Variants in CSMD1 observed in about 807,000 individuals in gnomAD.
The protein encoded by CSMD1 is CUB and Sushi multiple domains 1.
Under a neutral mutation model 417.5 loss-of-function variants are expected in CSMD1, and 213 were observed. The ratio of observed to expected loss-of-function variants is 0.51; its 90% CI spans 0.46 to 0.57. The LOEUF is 0.57. Ranked by LOEUF, CSMD1 falls within the 20% of genes least tolerant of loss-of-function variation. CSMD1 has a pLI of 0.00. For synonymous variants in CSMD1, 2,862 were observed against 1,736.8 expected (o/e 1.65, Z -16.11); for missense variants, 6,923 against 4,529.7 (o/e 1.53, Z -15.17).
intron 5 of CSMD1, among the ~76,000 whole-genome samples, chr8:3,762,668 C>A (rs1232625405): frequency 6.6e-6 from 1 of 152,222 alleles, no homozygotes; most frequent in Non-Finnish European, 1.5e-5. Flanking sequence ...CGTACAGGCA[C>A]ACTGGTGCCC....
chr8:4,672,413 C>T (rs1563112065), intron 1 of CSMD1, among the ~76,000 whole-genome samples: 1 of 151,976 alleles, frequency 6.6e-6, no homozygotes, highest in African/African-American at 2.4e-5. Flanking sequence ...GAAGTATGGG[C>T]AGAAAATATT....
chr8:4,456,059 C>CA (rs34519287), intron 2 of CSMD1, among the ~76,000 whole-genome samples: 302 of 118,440 alleles, frequency 2.5e-3, no homozygotes, highest in Non-Finnish European at 3.6e-3. Context: ...TATCATTGAC[C>CA]AAAAAAAAAA....
chr8:3,349,265 C>T (rs767630954), intron 21 of CSMD1, among the ~76,000 whole-genome samples: 23 of 152,262 alleles, frequency 1.5e-4, no homozygotes, highest in South Asian at 6.2e-4. Context: ...CCCACTGCCA[C>T]GATACTGATT....
At chr8:3,428,528 A>G (rs535309565) in intron 12 of CSMD1, among the ~76,000 whole-genome samples, 1 of 152,236 alleles carries the variant, frequency 6.6e-6, no homozygotes, top group African/African-American at 2.4e-5. Context: ...AGACTTTCAT[A>G]GCAACCCTTA....
At chr8:4,437,421 T>C (rs1027044143) in intron 2 of CSMD1, among the ~76,000 whole-genome samples, 4 of 152,220 alleles carry the variant, frequency 2.6e-5, no homozygotes, top group Admixed American at 6.5e-5. Context: ...CCACATTTTC[T>C]AGTCATGATT....
intron 5 of CSMD1, among the ~76,000 whole-genome samples, chr8:3,931,538 G>A (rs1328514109): frequency 6.7e-6 from 1 of 150,132 alleles, no homozygotes; most frequent in Non-Finnish European, 1.5e-5. Context: ...CAGTAAATTT[G>A]TTTAACAAAC....
intron 5 of CSMD1, among the ~76,000 whole-genome samples, chr8:3,858,745 T>A (rs1229253954): frequency 6.6e-6 from 1 of 152,172 alleles, no homozygotes; most frequent in African/African-American, 2.4e-5. Flanking sequence ...AAAATAACTT[T>A]GGATGTTACA....
At chr8:3,917,275 G>A (rs922314055) in intron 5 of CSMD1, among the ~76,000 whole-genome samples, 5 of 152,158 alleles carry the variant, frequency 3.3e-5, no homozygotes, top group Admixed American at 2.0e-4. Flanking sequence ...TGAACGAACT[G>A]AAGTTCCTGA....
At chr8:4,396,318 A>AG (rs1563129697) in intron 3 of CSMD1, among the ~76,000 whole-genome samples, 1 of 146,510 alleles carries the variant, frequency 6.8e-6, no homozygotes, top group Admixed American at 6.9e-5. Context: ...AAAAAAAAAA[A>AG]TAGCCAGGCA....
chr8:3,992,081 G>C (rs1398755472), intron 5 of CSMD1, among the ~76,000 whole-genome samples: 1 of 146,918 alleles, frequency 6.8e-6, no homozygotes, highest in African/African-American at 2.4e-5. Flanking sequence ...TACACCTTCA[G>C]CTGGTATGCA....
In CSMD1 at chr8:3,110,219, C is replaced by T. The variant is rs371824064; in HGVS notation, c.6547G>A (p.Gly2183Arg). ...IWLITVPPGH[G>R]VYINFTLLQT... ...AACAGGGTGAAGTTGATGTAAACTCCGTGCCCTGGAGGCACCGTGATGAGC... is the reference window on the plus strand; with the variant it reads ...AACAGGGTGAAGTTGATGTAAACTCTGTGCCCTGGAGGCACCGTGATGAGC... Residue 2183 changes from glycine (G) to arginine (R), a missense_variant, in exon 43 of 70, where the codon GGA (glycine) becomes AGA (arginine). Coordinates refer to ENST00000635120, the MANE Select transcript of CSMD1 (RefSeq NM_033225.6). 1.7e-5 allele frequency: 28 copies of T among 1,612,824 alleles called. No individual in the cohort carries two copies. Among genetic ancestry groups the T allele is most frequent in the Middle Eastern group, 1.6e-4 (1 of 6,080 alleles).
chr8:4,211,289 T>TTGG (rs1312491650), intron 3 of CSMD1, among the ~76,000 whole-genome samples: 1 of 152,158 alleles, frequency 6.6e-6, no homozygotes, highest in African/African-American at 2.4e-5. Context: ...TCCCTTTTCT[T>TTGG]TGGTTCTTTT....
chr8:4,216,575 A>G (rs1226416931), intron 3 of CSMD1, among the ~76,000 whole-genome samples: 1 of 152,150 alleles, frequency 6.6e-6, no homozygotes, highest in Non-Finnish European at 1.5e-5. Context: ...GCCACTGCCA[A>G]CGGAGCCCTC....
At chr8:4,233,281 C>T (rs976795536) in intron 3 of CSMD1, among the ~76,000 whole-genome samples, 35 of 152,242 alleles carry the variant, frequency 2.3e-4, no homozygotes, top group African/African-American at 8.4e-4. Context: ...CAGAAGTGCC[C>T]ACTCTCCGCC....
At chr8:4,559,045 A>G (rs999302936) in intron 2 of CSMD1, among the ~76,000 whole-genome samples, 1 of 152,086 alleles carries the variant, frequency 6.6e-6, no homozygotes, top group Non-Finnish European at 1.5e-5. Context: ...CCCCCTTTGG[A>G]GCCCTCATCT....
chr8:4,423,036 C>A (rs922849230), intron 2 of CSMD1, among the ~76,000 whole-genome samples: 1 of 151,822 alleles, frequency 6.6e-6, no homozygotes, highest in African/African-American at 2.4e-5. Flanking sequence ...TCCAACTTGA[C>A]AAAGAATATC....
At chr8:3,941,989 G>A (rs926809248) in intron 5 of CSMD1, among the ~76,000 whole-genome samples, 27 of 152,002 alleles carry the variant, frequency 1.8e-4, no homozygotes, top group Non-Finnish European at 5.9e-5. Flanking sequence ...ATTACCACCT[G>A]CACTCTCCTC....
rs367973366 is a variant in CSMD1, at chr8:4,302,109, A to G, written c.415+117844T>C. Reference sequence around the variant, plus strand: ...CCTTGTATAGTTCATCATGTTCATTATGTAGAAGCAAGCTATCTTGCTAAC... The same window carrying G: ...CCTTGTATAGTTCATCATGTTCATTGTGTAGAAGCAAGCTATCTTGCTAAC... On this transcript the variant is annotated intron_variant, in intron 3 of 69. Transcript: ENST00000635120. Among the ~76,000 whole-genome samples, 4 of 152,202 alleles carry G rather than the reference A, an allele frequency of 2.6e-5. No individual in the cohort carries two copies. In the East Asian group the frequency reaches 5.8e-4, roughly 22 times the overall value.
chr8:3,414,130 C>G (rs1812979330), intron 12 of CSMD1, among the ~76,000 whole-genome samples: 1 of 132,056 alleles, frequency 7.6e-6, no homozygotes, highest in Non-Finnish European at 1.6e-5. Context: ...CAGAGCGAGA[C>G]TCCGTTAAAG....
Sources: allele counts gnomAD v4.1 joint callset (sites outside exome capture counted in the v4.1 genomes callset), GRCh38; gene constraint gnomAD v4.1.1; transcripts MANE v1.5; gene names NCBI Gene and HGNC (gene_info 2026-07-23, HGNC 2026-07-21).